Variants in PTPDC1 observed in about 807,000 individuals in gnomAD.
PTPDC1 encodes the protein protein tyrosine phosphatase domain-containing protein 1.
In PTPDC1, 53 loss-of-function variants were observed where a neutral mutation model predicts 75.3. The ratio of observed to expected loss-of-function variants is 0.70; its 90% confidence interval spans 0.56 to 0.88. The LOEUF (loss-of-function observed/expected upper bound fraction) is 0.88. Ranked by LOEUF, PTPDC1 falls within the 40% of genes least tolerant of loss-of-function variation. PTPDC1 has a pLI of 0.00. For synonymous variants in PTPDC1, 349 were observed against 366.2 expected (o/e 0.95, Z 0.54); for missense variants, 925 against 998.6 (o/e 0.93, Z 0.99).
intron 2 of PTPDC1, among the ~76,000 whole-genome samples, chr9:94,077,070 C>A (rs1026756748): frequency 2.6e-5 from 4 of 152,070 alleles, no homozygotes; most frequent in African/African-American, 9.7e-5. Context: ...TTAAAGTAGT[C>A]ATTGGTTTTT....
chr9:94,075,875 C>G (rs1826667397), intron 2 of PTPDC1, among the ~76,000 whole-genome samples: 1 of 152,100 alleles, frequency 6.6e-6, no homozygotes, highest in African/African-American at 2.4e-5. Flanking sequence ...TTTAAAGTAC[C>G]AATCCAGTGT....
At chr9:94,091,875 G>C in intron 4 of PTPDC1, among the ~76,000 whole-genome samples, 1 of 152,056 alleles carries the variant, frequency 6.6e-6, no homozygotes, top group African/African-American at 2.4e-5. Flanking sequence ...TTGCATAGAG[G>C]TGTTTGTAGT....
At chr9:94,087,138 C>A (rs1382087336) in intron 2 of PTPDC1, among the ~76,000 whole-genome samples, 2 of 152,198 alleles carry the variant, frequency 1.3e-5, no homozygotes, top group Non-Finnish European at 2.9e-5. Flanking sequence ...GTTACCTTCA[C>A]CACCAGCTGA....
chr9:94,064,773 C>G, exon 2 of PTPDC1: 1 of 1,613,768 alleles, frequency 6.2e-7, no homozygotes, highest in Non-Finnish European at 8.5e-7. Context: ...GAATGAACAA[C>G]CATATTCTAC....
At chr9:94,091,822 G>A (rs1187903459) in intron 4 of PTPDC1, among the ~76,000 whole-genome samples, 2 of 152,150 alleles carry the variant, frequency 1.3e-5, no homozygotes, top group Non-Finnish European at 2.9e-5. Flanking sequence ...GAGAGTTTAT[G>A]TGCAGAGGAA....
chr9:94,080,994 C>CTTTTTTT (rs61391032), upstream of PTPDC1, among the ~76,000 whole-genome samples: 6 of 117,894 alleles, frequency 5.1e-5, no homozygotes, highest in South Asian at 2.6e-4. Context: ...TTTTCTTTTT[C>CTTTTTTT]TTTTTTTTTT....
intron 1 of PTPDC1, among the ~76,000 whole-genome samples, chr9:94,056,956 T>TA (rs1825959252): frequency 6.6e-6 from 1 of 152,170 alleles, no homozygotes; most frequent in South Asian, 2.1e-4. Flanking sequence ...AAATAAATAA[T>TA]ATGCGATTTT....
At position 94,039,095 on chromosome 9, in the gene PTPDC1, C is replaced by T. The variant is rs371824122; in HGVS notation, c.-7+7968C>T. Among the ~76,000 whole-genome samples the T allele has an allele frequency of 3.3e-5, 5 of 152,198 alleles. No individual in the cohort carries two copies. The East Asian group carries it at 9.6e-4, about 29-fold the overall frequency. ...TCAGAAAGATAAAACTGTAGAACTGCTGTGTATTCGTGATTGGGAATGGTG... is the reference window on the plus strand; with the variant it reads ...TCAGAAAGATAAAACTGTAGAACTGTTGTGTATTCGTGATTGGGAATGGTG... On this transcript the variant is annotated intron_variant, in intron 1 of 9. Transcript: ENST00000375360.
chr9:94,070,571 A>G (rs897049813), intron 2 of PTPDC1, among the ~76,000 whole-genome samples: 3 of 152,238 alleles, frequency 2.0e-5, no homozygotes, highest in Non-Finnish European at 4.4e-5. Context: ...TTGTGTAATA[A>G]TAATATCACA....
At chr9:94,070,942 T>C (rs1040935154) in intron 2 of PTPDC1, among the ~76,000 whole-genome samples, 3 of 152,210 alleles carry the variant, frequency 2.0e-5, no homozygotes, top group African/African-American at 7.2e-5. Context: ...TCTTTCCAGT[T>C]TGGGGCTATT....
In PTPDC1 at chr9:94,098,127, C is replaced by T. The variant is rs779482042; in HGVS notation, c.1561C>T (p.Leu521Phe). ...GTCAAAGTTTGGAGGCCTGGAAGGA[C>T]TCAAAGATAATGGGTCACCAATTTT... ...SQSKFGGLEG[L>F]KDNGSPIFHG... The change falls in exon 6 of 9, where the codon CTC (leucine) becomes TTC (phenylalanine). Residue 521 changes from leucine (L) to phenylalanine (F), a missense_variant. Transcript: ENST00000620992. 1 of 1,614,206 alleles carries T rather than the reference C, an allele frequency of 6.2e-7. No individual in the cohort carries two copies. Among genetic ancestry groups the T allele is most frequent in the Non-Finnish European group, 8.5e-7 (1 of 1,180,038 alleles).
At chr9:94,045,018 G>C (rs191904929) in intron 1 of PTPDC1, among the ~76,000 whole-genome samples, 1 of 105,318 alleles carries the variant, frequency 9.5e-6, no homozygotes, top group Non-Finnish European at 1.8e-5. Flanking sequence ...AACAGTTCTC[G>C]GTGTGTGATG....
intron 1 of PTPDC1, among the ~76,000 whole-genome samples, chr9:94,049,717 T>C (rs564963009): frequency 1.3e-5 from 2 of 152,292 alleles, no homozygotes; most frequent in South Asian, 4.1e-4. Context: ...TCAAGGAGTA[T>C]CTTTGTGGCG....
chr9:94,095,179 T>C (rs1466088883), intron 4 of PTPDC1, 138 bp from the exon 5 acceptor site: 4 of 573,880 alleles, frequency 7.0e-6, no homozygotes, highest in Non-Finnish European at 1.2e-5. Context: ...GAATGTAAAA[T>C]CCCTCTTATT....
At chr9:94,101,456 T>C (rs974580225) in intron 6 of PTPDC1, 110 bp from the exon 7 acceptor site, 2 of 749,356 alleles carry the variant, frequency 2.7e-6, no homozygotes, top group African/African-American at 3.5e-5. Flanking sequence ...GGAGCCTGAG[T>C]CTTTCACTCT....
intron 1 of PTPDC1, among the ~76,000 whole-genome samples, chr9:94,052,359 T>C (rs562814219): frequency 5.9e-5 from 9 of 152,188 alleles, no homozygotes; most frequent in African/African-American, 1.7e-4. Flanking sequence ...CTTTTACATT[T>C]GTTCAGGTGT....
chr9:94,048,904 A>G (rs987569242), intron 1 of PTPDC1, among the ~76,000 whole-genome samples: 5 of 152,074 alleles, frequency 3.3e-5, no homozygotes, highest in African/African-American at 7.2e-5. Context: ...TTGGGTGTAT[A>G]TATGTTTAGG....
At chr9:94,044,529 T>C (rs574523406) in intron 1 of PTPDC1, among the ~76,000 whole-genome samples, 2 of 152,178 alleles carry the variant, frequency 1.3e-5, no homozygotes, top group South Asian at 4.1e-4. Context: ...TCAGTTCCCA[T>C]TTATAAGTGA....
chr9:94,095,242 T>TAGTCGCC, intron 4 of PTPDC1, 75 bp from the exon 5 acceptor site: 1 of 1,062,786 alleles, frequency 9.4e-7, no homozygotes. Context: ...TGTAGATCTG[T>TAGTCGCC]GTACTTTTCA....
Sources: allele counts gnomAD v4.1 joint callset (sites outside exome capture counted in the v4.1 genomes callset), GRCh38; gene constraint gnomAD v4.1.1; transcripts MANE v1.5; gene names NCBI Gene and HGNC (gene_info 2026-07-23, HGNC 2026-07-21).